Variants in CDH17 observed in about 807,000 individuals in gnomAD.
CDH17 encodes the protein cadherin-17.
CDH17 carries 67 observed loss-of-function variants against 86.3 expected under a neutral mutation model. That is an observed-to-expected ratio of 0.78 (90% CI 0.64 to 0.95). The LOEUF is 0.95. CDH17 is among the 40% of genes least tolerant of loss of function. The probability of loss-of-function intolerance (pLI) is 0.00; values close to 1 mark genes in which losing one functional copy is unlikely to be tolerated. For synonymous variants in CDH17, 367 were observed against 366.4 expected (o/e 1.00, Z -0.02); for missense variants, 993 against 1,017.6 (o/e 0.98, Z 0.33).
In CDH17 at chr8:94,189,207, G is replaced by T. The variant is rs1436785858; in HGVS notation, c.130C>A (p.Pro44Thr). 3 of 1,613,108 alleles carry T rather than the reference G, an allele frequency of 1.9e-6. No homozygotes were observed. The highest frequency in any genetic ancestry group is 2.2e-5 in the South Asian group (2 of 90,894). ...TTTACCTGGAATATAATTTGACTCGGTTCTTGGCCTTCATAAATAGAAAAT... is the reference window on the plus strand; with the variant it reads ...TTTACCTGGAATATAATTTGACTCGTTTCTTGGCCTTCATAAATAGAAAAT... Reference protein sequence around the residue: ...MTFSIYEGQEPSQIIFQFKAN... With the variant: ...MTFSIYEGQETSQIIFQFKAN... Residue 44 changes from proline (P) to threonine (T), a missense_variant, in exon 3 of 18, where the codon CCG becomes ACG. Coordinates refer to ENST00000027335, the MANE Select transcript of CDH17 (RefSeq NM_004063.4).
intron 1 of CDH17, among the ~76,000 whole-genome samples, chr8:94,213,622 T>A (rs929514539): frequency 6.6e-6 from 1 of 152,286 alleles, no homozygotes; most frequent in African/African-American, 2.4e-5. Flanking sequence ...CTGTCTCTTA[T>A]CAGATTTCAC....
intron 15 of CDH17, among the ~76,000 whole-genome samples, chr8:94,137,979 G>A (rs768329648): frequency 1.3e-5 from 2 of 152,118 alleles, no homozygotes; most frequent in African/African-American, 2.4e-5. Context: ...ATGTAATTGG[G>A]TAAGTCATAA....
chr8:94,178,160 T>C (rs981837682), intron 3 of CDH17, among the ~76,000 whole-genome samples: 2 of 152,200 alleles, frequency 1.3e-5, no homozygotes, highest in African/African-American at 2.4e-5. Flanking sequence ...TTTAACTTAA[T>C]GCAAATGCTA....
chr8:94,153,949 T>C (rs941451470), intron 12 of CDH17, among the ~76,000 whole-genome samples: 2 of 152,120 alleles, frequency 1.3e-5, no homozygotes, highest in African/African-American at 2.4e-5. Context: ...AAGGAATGAG[T>C]TTAAAATATC....
chr8:94,189,829 A>G (rs537609940), intron 2 of CDH17, among the ~76,000 whole-genome samples: 1 of 152,376 alleles, frequency 6.6e-6, no homozygotes, highest in African/African-American at 2.4e-5. Flanking sequence ...AGTTTTAGCC[A>G]AATTTGAATC....
chr8:94,206,639 A>AT (rs35064887), intron 1 of CDH17, among the ~76,000 whole-genome samples: 7,947 of 130,302 alleles, frequency 0.061, 405 homozygotes, highest in African/African-American at 0.11. Context: ...CATCATCCAG[A>AT]TTTTTTTTTT....
At chr8:94,170,729 A>G (rs1813253048) in intron 8 of CDH17, 125 bp downstream of exon 8, 1 of 1,381,696 alleles carries the variant, frequency 7.2e-7, no homozygotes, top group South Asian at 1.4e-5. Context: ...TTTGAAAACC[A>G]ATAATATGCT....
chr8:94,169,133 C>T (rs376914835), intron 9 of CDH17, among the ~76,000 whole-genome samples: 1 of 152,028 alleles, frequency 6.6e-6, no homozygotes. Context: ...GTGTCATGTC[C>T]GGGTCAAGAA....
At position 94,160,135 on chromosome 8, in the gene CDH17, T is replaced by C; in HGVS notation, c.1387A>G (p.Thr463Ala). ...GTTAAGATGGTGGACCCAATGTTTG[T>C]GTCTTCAGCAAGAGTCAGGTTTCCA... ...DYGNLTLAED[T>A]NIGSTILTIQ... is the part of the protein sequence containing the mutation. The change falls in exon 12 of 18, where the codon ACA becomes GCA. Residue 463 changes from threonine to alanine, a missense_variant. By Grantham distance (58) the Thr-to-Ala change is moderately conservative (BLOSUM62 0). Coordinates refer to ENST00000027335, the MANE Select transcript of CDH17 (RefSeq NM_004063.4). The C allele has an allele frequency of 6.2e-7, 1 of 1,613,048 alleles. No homozygotes were observed. Among genetic ancestry groups the C allele is most frequent in the Non-Finnish European group, 8.5e-7 (1 of 1,179,562 alleles).
chr8:94,142,530 T>C (rs982085362), intron 15 of CDH17, among the ~76,000 whole-genome samples: 2 of 152,234 alleles, frequency 1.3e-5, no homozygotes, highest in African/African-American at 4.8e-5. Context: ...TTGCACTTAT[T>C]GACTCTTCCT....
intron 1 of CDH17, among the ~76,000 whole-genome samples, chr8:94,198,631 T>TCCA (rs1441173144): frequency 1.3e-5 from 2 of 152,108 alleles, no homozygotes; most frequent in African/African-American, 4.8e-5. Flanking sequence ...TCCCAACTCT[T>TCCA]CCAGCCTTAT....
chr8:94,153,057 A>G (rs887323817), intron 12 of CDH17, among the ~76,000 whole-genome samples: 1 of 152,238 alleles, frequency 6.6e-6, no homozygotes, highest in African/African-American at 2.4e-5. Context: ...AGAAGCTTCT[A>G]CATAGCAAAG....
intron 4 of CDH17, 84 bp from the exon 5 acceptor site, chr8:94,176,763 T>A (rs1276251404): frequency 2.9e-6 from 4 of 1,381,968 alleles, no homozygotes; most frequent in Non-Finnish European, 3.0e-6. Context: ...AAATTAGAAC[T>A]CAAAGAACCA....
intron 3 of CDH17, among the ~76,000 whole-genome samples, chr8:94,183,832 T>C (rs969460811): frequency 8.6e-5 from 13 of 151,980 alleles, no homozygotes; most frequent in African/African-American, 2.9e-4. Flanking sequence ...AGAGAACTTG[T>C]ATACGGAATA....
chr8:94,194,547 T>C, intron 2 of CDH17, 88 bp downstream of exon 2: 1 of 861,622 alleles, frequency 1.2e-6, no homozygotes, highest in Non-Finnish European at 1.9e-6. Flanking sequence ...TTTTAAGTAA[T>C]AATAGCCATT....
chr8:94,150,580 T>C (rs1023765584), intron 13 of CDH17, among the ~76,000 whole-genome samples: 2 of 152,176 alleles, frequency 1.3e-5, no homozygotes, highest in Non-Finnish European at 2.9e-5. Flanking sequence ...TGAAACACTT[T>C]CTTCATTTGT....
chr8:94,144,045 C>A (rs1312148372), intron 15 of CDH17, among the ~76,000 whole-genome samples: 1 of 152,200 alleles, frequency 6.6e-6, no homozygotes, highest in Admixed American at 6.5e-5. Flanking sequence ...AACATCCTCA[C>A]TAAGCTAAAT....
At chr8:94,194,543 G>T in intron 2 of CDH17, 92 bp downstream of exon 2, 1 of 836,986 alleles carries the variant, frequency 1.2e-6, no homozygotes, top group Non-Finnish European at 2.0e-6. Context: ...CTTTTTTTAA[G>T]TAATAATAGC....
At position 94,131,005 on chromosome 8, in the gene CDH17, G is replaced by A. The variant is rs1563562141; in HGVS notation, c.2168-13C>T. The A allele has an allele frequency of 9.0e-6, 12 of 1,333,150 alleles. No homozygotes were observed. The highest frequency in any genetic ancestry group is 5.6e-5 in the Admixed American group (3 of 53,234). The allele number at this position is 1,333,150 out of a possible 1,614,324, so 82.6% of individuals were successfully genotyped here. ...CGGGCATGAGTACCTGCCAGGACAG[G>A]AAAAAAAAATGAAAATACAACTTCA... is the stretch of plus-strand genomic sequence containing the variant. On this transcript the variant is annotated splice_polypyrimidine_tract_variant and intron_variant, in intron 15 of 17. Transcript: ENST00000027335.
Sources: allele counts gnomAD v4.1 joint callset (sites outside exome capture counted in the v4.1 genomes callset), GRCh38; gene constraint gnomAD v4.1.1; transcripts MANE v1.5; gene names NCBI Gene and HGNC (gene_info 2026-07-23, HGNC 2026-07-21).